The following LGR6 variants were observed in gnomAD, a reference collection of about 807,000 sequenced individuals.
The protein encoded by LGR6 is leucine rich repeat containing G protein-coupled receptor 6, also known as leucine-rich repeat-containing G protein-coupled receptor 6.
In LGR6, 45 loss-of-function variants were observed where a neutral mutation model predicts 69.4. The observed-to-expected ratio is 0.65, with a 90% CI of 0.51 to 0.83. The LOEUF is 0.83. LGR6 is among the 40% of genes least tolerant of loss of function. The pLI is 0.00. For missense variants in LGR6, 1,108 were observed against 1,246.7 expected (o/e 0.89, Z 1.68); for synonymous variants, 538 against 555.0 (o/e 0.97, Z 0.43).
At chr1:202,209,000 C>A (rs111573260) in intron 1 of LGR6, among the ~76,000 whole-genome samples, 1 of 152,122 alleles carries the variant, frequency 6.6e-6, no homozygotes, top group African/African-American at 2.4e-5. Context: ...CCCCTTACCC[C>A]TAACCTCGGC....
intron 1 of LGR6, among the ~76,000 whole-genome samples, chr1:202,223,369 GA>G: frequency 6.6e-6 from 1 of 152,318 alleles, no homozygotes; most frequent in South Asian, 2.1e-4. Context: ...TAAAACATTT[GA>G]GACTAAACAG....
chr1:202,206,274 A>G (rs553582091), intron 1 of LGR6, among the ~76,000 whole-genome samples: 75 of 152,244 alleles, frequency 4.9e-4, no homozygotes, highest in Admixed American at 2.6e-3. Context: ...GACAAAAGCA[A>G]GAGAGAATGA....
At chr1:202,301,578 G>T (rs1229617574) in intron 9 of LGR6, among the ~76,000 whole-genome samples, 1 of 152,206 alleles carries the variant, frequency 6.6e-6, no homozygotes, top group Non-Finnish European at 1.5e-5. Flanking sequence ...AATATGGTGG[G>T]TTCTCAAGGC....
At chr1:202,231,123 G>A (rs1661003059) in intron 3 of LGR6, among the ~76,000 whole-genome samples, 2 of 152,228 alleles carry the variant, frequency 1.3e-5, no homozygotes, top group South Asian at 2.1e-4. Context: ...CCACAGAGGA[G>A]TGGCTGGGAG....
chr1:202,197,502 G>A (rs546180604), intron 1 of LGR6: 4 of 531,354 alleles, frequency 7.5e-6, no homozygotes, highest in African/African-American at 1.9e-5. Context: ...CCCTGGTTAG[G>A]GCCTGTTCTG....
At chr1:202,284,931 A>T (rs1042076227) in intron 6 of LGR6, among the ~76,000 whole-genome samples, 16 of 152,180 alleles carry the variant, frequency 1.1e-4, no homozygotes, top group African/African-American at 3.4e-4. Context: ...ATCAGGCCCA[A>T]CTGGAGCCCT....
At chr1:202,232,311 A>G (rs1661151145) in intron 3 of LGR6, among the ~76,000 whole-genome samples, 2 of 151,922 alleles carry the variant, frequency 1.3e-5, no homozygotes, top group Non-Finnish European at 1.5e-5. Flanking sequence ...GTGATGTGAC[A>G]CTCATGGTTC....
rs201706873 is a variant in LGR6 at position 202,318,716 on chromosome 1, C to G, written c.2413C>G (p.Pro805Ala). 7.4e-6 allele frequency: 12 copies of G among 1,613,482 alleles called. No homozygotes were observed. The highest frequency in any genetic ancestry group is 8.5e-6 in the Non-Finnish European group (10 of 1,179,986). Residue 805 changes from proline (P) to alanine (A), a missense_variant, in exon 18 of 18, where the codon CCC (proline) becomes GCC (alanine). Transcript: ENST00000367278. Reference protein sequence around the residue: ...ASMLGLFPVTPEAVKSVLLVV... With the variant: ...ASMLGLFPVTAEAVKSVLLVV... ...CATGCTGGGCCTCTTCCCTGTCACG[C>G]CCGAGGCCGTCAAGTCTGTCCTGCT... is the stretch of plus-strand genomic sequence containing the variant.
intron 1 of LGR6, among the ~76,000 whole-genome samples, chr1:202,217,982 A>G (rs1359452261): frequency 1.3e-5 from 2 of 152,188 alleles, no homozygotes; most frequent in Admixed American, 6.5e-5. Context: ...AAAATCTGAG[A>G]CAACTTTGTG....
At chr1:202,218,940 C>T (rs1659966362) in intron 1 of LGR6, among the ~76,000 whole-genome samples, 1 of 152,192 alleles carries the variant, frequency 6.6e-6, no homozygotes, top group Non-Finnish European at 1.5e-5. Context: ...TCCTTGATGG[C>T]CCAGACCTTG....
At chr1:202,218,641 C>A (rs1272426556) in intron 1 of LGR6, among the ~76,000 whole-genome samples, 1 of 152,152 alleles carries the variant, frequency 6.6e-6, no homozygotes, top group Non-Finnish European at 1.5e-5. Context: ...ATCCACAATG[C>A]CAACGGAGCC....
In LGR6 at chr1:202,306,443, A is replaced by C. The variant is rs1454440101; in HGVS notation, c.1137-425A>C. ...TGCCAAGGGAAGGAGGGTCTTCTGC[A>C]TGGCTGAGGCCCAGGGTCCATCTCC... On this transcript the variant is annotated intron_variant, in intron 12 of 17. Coordinates refer to ENST00000367278, the MANE Select transcript of LGR6 (RefSeq NM_001017403.2). 2.0e-5 allele frequency among the ~76,000 whole-genome samples: 3 copies of C among 152,112 alleles called. No homozygotes were observed. In the East Asian group the frequency reaches 5.8e-4, roughly 29 times the overall value.
At chr1:202,208,907 T>C in intron 1 of LGR6, among the ~76,000 whole-genome samples, 1 of 152,074 alleles carries the variant, frequency 6.6e-6, no homozygotes. Flanking sequence ...CCTAGAGCCA[T>C]AGGGGTAAAG....
At chr1:202,270,517 C>T (rs1571933551) in intron 4 of LGR6, among the ~76,000 whole-genome samples, 1 of 152,040 alleles carries the variant, frequency 6.6e-6, no homozygotes, top group African/African-American at 2.4e-5. Flanking sequence ...GCTGGGATTA[C>T]AGGCGTGAGC....
intron 16 of LGR6, among the ~76,000 whole-genome samples, chr1:202,313,703 T>G (rs1653920212): frequency 6.6e-6 from 1 of 152,170 alleles, no homozygotes; most frequent in Non-Finnish European, 1.5e-5. Context: ...AGCTGAAAAT[T>G]TTTTTCTAAT....
chr1:202,260,964 C>T (rs535892760), intron 4 of LGR6, among the ~76,000 whole-genome samples: 1 of 151,956 alleles, frequency 6.6e-6, no homozygotes, highest in South Asian at 2.1e-4. Context: ...TTTTCTTTAT[C>T]CTTACAACTG....
Position 202,216,858 on chromosome 1 carries a change from C to T in LGR6, c.213-8565C>T, listed in dbSNP as rs574106819. Among the ~76,000 whole-genome samples the T allele has an allele frequency of 4.6e-5, 7 of 152,334 alleles. 1 individual carries two copies. Among genetic ancestry groups the T allele is most frequent in the African/African-American group, 1.2e-4 (5 of 41,570 alleles). ...CACACATTATGCAATCCCAGTGCCA[C>T]GCTTTGCTCTTGAGAAGCTTCTCCT... On this transcript the variant is annotated intron_variant, in intron 1 of 17. Coordinates refer to ENST00000367278, the MANE Select transcript of LGR6 (RefSeq NM_001017403.2).
intron 4 of LGR6, among the ~76,000 whole-genome samples, chr1:202,237,389 C>A (rs2148003636): frequency 6.6e-6 from 1 of 152,282 alleles, no homozygotes; most frequent in Middle Eastern, 3.4e-3. Flanking sequence ...GCAGGGACAG[C>A]CAAAAATAAG....
At chr1:202,316,392 T>A (rs1654146808) in intron 17 of LGR6, among the ~76,000 whole-genome samples, 1 of 152,158 alleles carries the variant, frequency 6.6e-6, no homozygotes, top group African/African-American at 2.4e-5. Flanking sequence ...CCTGGATTGA[T>A]TGAGAACTCA....
Sources: allele counts gnomAD v4.1 joint callset (sites outside exome capture counted in the v4.1 genomes callset), GRCh38; gene constraint gnomAD v4.1.1; transcripts MANE v1.5; gene names NCBI Gene and HGNC (gene_info 2026-07-23, HGNC 2026-07-21).